ALDH3A2: variants seen among roughly 807,000 people sequenced by gnomAD.
ALDH3A2 encodes the protein aldehyde dehydrogenase family 3 member A2.
A neutral mutation model predicts 51.3 loss-of-function variants in ALDH3A2; 36 were observed. The observed-to-expected ratio is 0.70, with a 90% confidence interval of 0.54 to 0.93. The LOEUF (loss-of-function observed/expected upper bound fraction) is 0.93, where lower values mean the gene tolerates loss of function less well. Ranked by LOEUF, ALDH3A2 falls within the 40% of genes least tolerant of loss-of-function variation. ALDH3A2 has a pLI of 0.00. For synonymous variants in ALDH3A2, 199 were observed against 219.8 expected (o/e 0.91, Z 0.84); for missense variants, 552 against 603.1 (o/e 0.92, Z 0.89).
intron 3 of ALDH3A2, chr17:19,656,112 T>G: frequency 2.0e-6 from 1 of 496,338 alleles, no homozygotes; most frequent in Non-Finnish European, 3.7e-6. Flanking sequence ...CTTAGTGTCT[T>G]TGTTGCTGAG....
At position 19,663,339 on chromosome 17, in the gene ALDH3A2, C is replaced by T. The variant is rs138110265; in HGVS notation, c.947C>T (p.Thr316Ile). 1.4e-4 allele frequency: 231 copies of T among 1,614,034 alleles called. No individual in the cohort carries two copies. Among genetic ancestry groups the T allele is most frequent in the Non-Finnish European group, 1.9e-4 (221 of 1,179,944 alleles). Residue 316 changes from threonine to isoleucine, a missense_variant, in exon 7 of 10, where the codon ACA becomes ATA. Transcript: ENST00000176643. ...TDEATRYIAP[T>I]VLTDVDPKTK... ...TTGTTTATTTTCTTTTTAGCCCCAA[C>T]AGTACTTACCGATGTTGATCCTAAA... is the stretch of plus-strand genomic sequence containing the variant.
chr17:19,666,733 C>T (rs1011730456), intron 8 of ALDH3A2, among the ~76,000 whole-genome samples: 6 of 151,306 alleles, frequency 4.0e-5, no homozygotes, highest in Non-Finnish European at 8.8e-5. Context: ...GCTGAGATTG[C>T]GCCACTGCAC....
At position 19,661,163 on chromosome 17, in the gene ALDH3A2, T is replaced by G; in HGVS notation, c.835T>G (p.Tyr279Asp). 1 of 1,612,794 alleles carries G rather than the reference T, an allele frequency of 6.2e-7. No homozygotes were observed. The highest frequency in any genetic ancestry group is 1.1e-5 in the South Asian group (1 of 91,066). ...AGAAAATATAAAAGAGTCTCCTGATTATGAAAGGATCATCAATCTTCGTCA... is the reference window on the plus strand; with the variant it reads ...AGAAAATATAAAAGAGTCTCCTGATGATGAAAGGATCATCAATCTTCGTCA... ...YGENIKESPD[Y>D]ERIINLRHFK... The change falls in exon 6 of 10, where the codon TAT becomes GAT. Residue 279 changes from tyrosine to aspartate, a missense_variant. By Grantham distance (160) the Tyr-to-Asp change is radical. Coordinates refer to ENST00000176643, the MANE Select transcript of ALDH3A2 (RefSeq NM_000382.3).
chr17:19,673,145 TCTCAGAAATACCAAGCTGTGCTGA>T, intron 9 of ALDH3A2: 1 of 1,614,218 alleles, frequency 6.2e-7, no homozygotes, highest in East Asian at 2.2e-5. Flanking sequence ...ATTTGGGTTT[TCTCAGAAATACCAAGCTGTGCTGA>T]GGAGAAAGGC....
chr17:19,671,594 T>C (rs1409022468), intron 8 of ALDH3A2, 127 bp from the exon 9 acceptor site: 4 of 820,812 alleles, frequency 4.9e-6, no homozygotes, highest in African/African-American at 3.4e-5. Context: ...ATACTTCAGC[T>C]GGCAGAGATG....
intron 3 of ALDH3A2, among the ~76,000 whole-genome samples, chr17:19,653,608 C>T (rs1240156829): frequency 6.6e-6 from 1 of 152,024 alleles, no homozygotes; most frequent in Admixed American, 6.6e-5. Context: ...TTGTTCATTC[C>T]TCCCGGTGGG....
intron 8 of ALDH3A2, among the ~76,000 whole-genome samples, chr17:19,667,831 T>G (rs2085059840): frequency 6.6e-6 from 1 of 152,192 alleles, no homozygotes; most frequent in South Asian, 2.1e-4. Flanking sequence ...AGTGCTGGGA[T>G]TACAGGTGTG....
At chr17:19,649,280 C>G in intron 1 of ALDH3A2, 156 bp downstream of exon 1, 3 of 1,037,280 alleles carry the variant, frequency 2.9e-6, no homozygotes, top group Non-Finnish European at 4.1e-6. Flanking sequence ...AAAGTTCCCG[C>G]AGACTTTCCC....
At chr17:19,648,722 CA>C (rs2084768165), upstream of ALDH3A2, 1 of 572,350 alleles carries the variant, frequency 1.7e-6, no homozygotes, top group Admixed American at 3.0e-5. Context: ...CCGCCCAGGC[CA>C]ATAGGGGTGA....
chr17:19,652,354 G>A (rs2084827349), intron 2 of ALDH3A2, among the ~76,000 whole-genome samples, 193 bp from the exon 3 acceptor site: 1 of 152,186 alleles, frequency 6.6e-6, no homozygotes, highest in African/African-American at 2.4e-5. Flanking sequence ...GTGACCTGAA[G>A]ATGAGGACAG....
intron 3 of ALDH3A2, among the ~76,000 whole-genome samples, chr17:19,655,928 T>C (rs1184802697): frequency 6.6e-6 from 1 of 152,232 alleles, no homozygotes; most frequent in Non-Finnish European, 1.5e-5. Flanking sequence ...CTGTGCCGGA[T>C]ATACCATTCA....
At chr17:19,652,671 C>T in intron 3 of ALDH3A2, 39 bp downstream of exon 3, 1 of 1,467,634 alleles carries the variant, frequency 6.8e-7, no homozygotes, top group Non-Finnish European at 9.6e-7. Context: ...TATGTGTTTA[C>T]TGTGGAAAAC....
At chr17:19,648,666 G>A (rs1426471654), upstream of ALDH3A2, 6 of 462,200 alleles carry the variant, frequency 1.3e-5, no homozygotes, top group African/African-American at 2.0e-5. Flanking sequence ...CGGGGAGAGG[G>A]CGGGGGCCGC....
rs1213474351 is a variant in ALDH3A2, at chr17:19,656,660, A to G, written c.680+86A>G. 3.1e-6 allele frequency: 4 copies of G among 1,280,470 alleles called. No individual in the cohort carries two copies. In the South Asian group the frequency reaches 3.9e-5, roughly 12 times the overall value. The allele number at this position is 1,280,470 out of a possible 1,614,324, so 79.3% of individuals were successfully genotyped here. Reference sequence around the variant, plus strand: ...ATGTTACTCTTTGTACTTGAACCCCATACCTTATGGCTCCAAGATACATTA... The same window carrying G: ...ATGTTACTCTTTGTACTTGAACCCCGTACCTTATGGCTCCAAGATACATTA... On this transcript the variant is annotated intron_variant, in intron 4 of 9. Coordinates refer to ENST00000176643, the MANE Select transcript of ALDH3A2 (RefSeq NM_000382.3).
Position 19,663,465 on chromosome 17 carries a change from C to CTCTG in ALDH3A2, c.1074_1077dup (p.Ala360SerfsTer9), listed in dbSNP as rs1208285056. 6.2e-7 allele frequency: 1 copy of CTCTG among 1,613,958 alleles called. No individual in the cohort carries two copies. The highest frequency in any genetic ancestry group is 8.5e-7 in the Non-Finnish European group (1 of 1,180,028). ...AATTTCATAAATGAACGTGAAAAGC[C>CTCTG]TCTGGCTCTTTATGTATTTTCGCAT... On this transcript the variant is annotated frameshift_variant, in exon 7 of 10. Coordinates refer to ENST00000176643, the MANE Select transcript of ALDH3A2 (RefSeq NM_000382.3). LOFTEE classifies it high-confidence loss of function.
intron 5 of ALDH3A2, among the ~76,000 whole-genome samples, chr17:19,660,327 T>G (rs2084950414): frequency 6.6e-6 from 1 of 151,976 alleles, no homozygotes; most frequent in South Asian, 2.1e-4. Flanking sequence ...GACTCTCGAG[T>G]CAGAGCCCAG....
intron 6 of ALDH3A2, chr17:19,661,863 CA>C (rs202007377): frequency 0.015 from 1,762 of 116,706 alleles, 20 homozygotes; most frequent in East Asian, 0.034. Context: ...TATAAGTCAC[CA>C]AAAAAAAAAA....
In ALDH3A2 at chr17:19,665,816, A is replaced by G. The variant is rs539834471; in HGVS notation, c.1207+769A>G. 2.0e-4 allele frequency among the ~76,000 whole-genome samples: 31 copies of G among 152,306 alleles called. 1 individual carries two copies. The South Asian group carries it at 3.5e-3, about 17-fold the overall frequency. On this transcript the variant is annotated intron_variant, in intron 8 of 9. Coordinates refer to ENST00000176643, the MANE Select transcript of ALDH3A2 (RefSeq NM_000382.3). The stretch of plus-strand genomic sequence containing the variant: ...CCGATATGTAAACATTCTCATAACA[A>G]AAACCCAACCAGAAAAGCCACTGTC...
chr17:19,675,737 C>A lies in ALDH3A2; in HGVS notation c.*165C>A. Reference sequence around the variant, plus strand: ...GCCATTCATCATTAATAAAAGTTGCCATTTCAACTACGTCCCAACATTCCC... The same window carrying A: ...GCCATTCATCATTAATAAAAGTTGCAATTTCAACTACGTCCCAACATTCCC... On this transcript the variant is annotated 3_prime_UTR_variant, in exon 10 of 10. Coordinates refer to ENST00000176643, the MANE Select transcript of ALDH3A2 (RefSeq NM_000382.3). The A allele has an allele frequency of 1.2e-6, 1 of 809,806 alleles. No individual in the cohort carries two copies. Among genetic ancestry groups the A allele is most frequent in the Non-Finnish European group, 2.1e-6 (1 of 481,890 alleles). The allele number at this position is 809,806 out of a possible 1,614,324, so 50.2% of individuals were successfully genotyped here. A position where few individuals can be genotyped will look rare whatever the true frequency, so the allele number is the denominator to read the frequency against.
Sources: allele counts gnomAD v4.1 joint callset (sites outside exome capture counted in the v4.1 genomes callset), GRCh38; gene constraint gnomAD v4.1.1; transcripts MANE v1.5; gene names NCBI Gene and HGNC (gene_info 2026-07-23, HGNC 2026-07-21).